CAPN13: variants seen among roughly 807,000 people sequenced by gnomAD.
CAPN13 encodes the protein calpain-13.
CAPN13 carries 90 observed loss-of-function variants against 98.4 expected under a neutral mutation model. The observed-to-expected ratio is 0.92, with a 90% CI of 0.77 to 1.09. The LOEUF (loss-of-function observed/expected upper bound fraction) is 1.09, where lower values mean the gene tolerates loss of function less well. CAPN13 is among the 50% of genes least tolerant of loss of function. The pLI is 0.00. For missense variants in CAPN13, 887 were observed against 841.3 expected (o/e 1.05, Z -0.67); for synonymous variants, 330 against 305.5 (o/e 1.08, Z -0.84).
intron 2 of CAPN13, among the ~76,000 whole-genome samples, chr2:30,782,766 T>C (rs897904773): frequency 5.3e-5 from 8 of 152,216 alleles, no homozygotes; most frequent in Non-Finnish European, 8.8e-5. Context: ...TCTTTTACTA[T>C]AAAATGGGTA....
intron 22 of CAPN13, chr2:30,729,523 T>G (rs975573659): frequency 2.0e-5 from 3 of 152,232 alleles, no homozygotes; most frequent in Admixed American, 2.0e-4. Context: ...AGAATCATTT[T>G]TGATATTAGA....
rs139052786 is a variant in CAPN13 at position 30,785,185 on chromosome 2, C to A, written c.198+1943G>T. On this transcript the variant is annotated intron_variant, in intron 2 of 22. Transcript: ENST00000295055. The stretch of plus-strand genomic sequence containing the variant: ...ATTCCAGCAGAGTCCCTGCTAGGCA[C>A]TTAAGTCAGTGGGGGGAAAGTGCAG... Among the ~76,000 whole-genome samples the A allele has an allele frequency of 5.6e-3, 850 of 152,286 alleles. 9 individuals are homozygous for A. Among genetic ancestry groups the A allele is most frequent in the African/African-American group, 0.02 (811 of 41,546 alleles).
chr2:30,797,549 A>C (rs577610607), intron 1 of CAPN13, among the ~76,000 whole-genome samples: 1 of 152,174 alleles, frequency 6.6e-6, no homozygotes, highest in Non-Finnish European at 1.5e-5. Flanking sequence ...ATTAATTGAG[A>C]AGATTCTTGT....
intron 22 of CAPN13, chr2:30,729,912 T>G (rs1384468564): frequency 1.3e-5 from 2 of 152,184 alleles, no homozygotes; most frequent in Non-Finnish European, 2.9e-5. Context: ...CATGAATAAT[T>G]AAAGAAGACA....
intron 4 of CAPN13, 63 bp from the exon 5 acceptor site, chr2:30,770,512 C>T: frequency 6.4e-7 from 1 of 1,571,802 alleles, no homozygotes; most frequent in Non-Finnish European, 8.6e-7. Context: ...CTGGGTCCCC[C>T]AACCTAAGCC....
intron 11 of CAPN13, among the ~76,000 whole-genome samples, chr2:30,747,837 G>A (rs1671989982): frequency 1.3e-5 from 2 of 152,210 alleles, no homozygotes; most frequent in African/African-American, 4.8e-5. Context: ...AACTCAATCA[G>A]GATCTTGCAA....
chr2:30,735,960 C>T lies in CAPN13; in HGVS notation c.1722+543G>A, dbSNP rs139007864. 2.3e-3 allele frequency among the ~76,000 whole-genome samples: 353 copies of T among 152,100 alleles called. 1 individual carries two copies. The highest frequency in any genetic ancestry group is 8.1e-3 in the African/African-American group (337 of 41,490). On this transcript the variant is annotated intron_variant, in intron 18 of 22. Coordinates refer to ENST00000295055, the MANE Select transcript of CAPN13 (RefSeq NM_144575.3). ...TGAAGGGGCACAGGTGTGACGTTTA[C>T]AGGAAATAGTGAATCTCCTTTAGAC... is the stretch of plus-strand genomic sequence containing the variant.
At chr2:30,754,038 A>G (rs1382102626) in intron 9 of CAPN13, among the ~76,000 whole-genome samples, 1 of 152,180 alleles carries the variant, frequency 6.6e-6, no homozygotes, top group African/African-American at 2.4e-5. Flanking sequence ...TTTGGTGCCA[A>G]TGTTCTCTTT....
At chr2:30,793,326 A>T (rs1489680206) in intron 1 of CAPN13, among the ~76,000 whole-genome samples, 1 of 151,566 alleles carries the variant, frequency 6.6e-6, no homozygotes, top group East Asian at 1.9e-4. Flanking sequence ...AGCAACAAAA[A>T]ATAGGAGAAT....
chr2:30,731,498 T>C (rs371826288), intron 20 of CAPN13, 99 bp from the exon 21 acceptor site: 31 of 1,030,402 alleles, frequency 3.0e-5, no homozygotes, highest in East Asian at 1.6e-4. Context: ...CAGGAGGTGA[T>C]TCTGTAAAGC....
At chr2:30,723,409 C>T (rs773399108) in intron 22 of CAPN13, among the ~76,000 whole-genome samples, 173 bp from the exon 23 acceptor site, 13 of 152,174 alleles carry the variant, frequency 8.5e-5, no homozygotes, top group Non-Finnish European at 1.6e-4. Context: ...CCCCAACGTG[C>T]CCATGGCCCC....
At position 30,731,248 on chromosome 2, in the gene CAPN13, C is replaced by T. The variant is rs566969454; in HGVS notation, c.1983+96G>A. 120 of 1,126,632 alleles carry T rather than the reference C, an allele frequency of 1.1e-4. 1 individual carries two copies. The South Asian group carries it at 1.3e-3, about 12-fold the overall frequency. 69.8% of individuals were successfully genotyped at this position (1,126,632 alleles called of 1,614,324 possible). A position where few individuals can be genotyped will look rare whatever the true frequency, so the allele number is the denominator to read the frequency against. On this transcript the variant is annotated intron_variant, in intron 21 of 22. Transcript: ENST00000295055. Reference sequence around the variant, plus strand: ...ACAGCTTGGCTGGCCTTTGACAGACCGTTCAATATCCTCAGGGAGAAAAAT... The same window carrying T: ...ACAGCTTGGCTGGCCTTTGACAGACTGTTCAATATCCTCAGGGAGAAAAAT...
At chr2:30,749,866 C>T (rs1048740150) in intron 11 of CAPN13, among the ~76,000 whole-genome samples, 2 of 152,124 alleles carry the variant, frequency 1.3e-5, no homozygotes, top group Non-Finnish European at 2.9e-5. Context: ...GGAGGAATAG[C>T]AGGGAGTAGA....
At chr2:30,730,660 T>C (rs1257559617) in intron 22 of CAPN13, 70 bp downstream of exon 22, 4 of 760,230 alleles carry the variant, frequency 5.3e-6, no homozygotes, top group Non-Finnish European at 9.8e-6. Context: ...GAGTCTTATG[T>C]GCAGTTCTTA....
chr2:30,753,046 T>C lies in CAPN13; in HGVS notation c.1087+7A>G. On this transcript the variant is annotated splice_region_variant and intron_variant, in intron 10 of 22. Transcript: ENST00000295055. ...TTGGGCAGTGTGACCACCAGCGTCATGATTACCTGCAGTGTTTCCTAGAAT... is the reference window on the plus strand; with the variant it reads ...TTGGGCAGTGTGACCACCAGCGTCACGATTACCTGCAGTGTTTCCTAGAAT... 2 of 1,613,780 alleles carry C rather than the reference T, an allele frequency of 1.2e-6. No homozygotes were observed. Among genetic ancestry groups the C allele is most frequent in the Non-Finnish European group, 1.7e-6 (2 of 1,179,756 alleles).
Position 30,732,554 on chromosome 2 carries a change from C to G in CAPN13, c.1811G>C (p.Gly604Ala), listed in dbSNP as rs1447658166. 6.2e-7 allele frequency: 1 copy of G among 1,608,672 alleles called. No individual in the cohort carries two copies. The highest frequency in any genetic ancestry group is 8.5e-7 in the Non-Finnish European group (1 of 1,178,062). Residue 604 changes from glycine to alanine, a missense_variant, in exon 20 of 23, where the codon GGG becomes GCG. Gly to Ala is a moderately conservative substitution (Grantham distance 60). Coordinates refer to ENST00000295055, the MANE Select transcript of CAPN13 (RefSeq NM_144575.3). ...CAGCAGCTCACGGCTGATGAAGATCCCTCTGAGGAAGTCTGGGGCCACAGG... is the reference window on the plus strand; with the variant it reads ...CAGCAGCTCACGGCTGATGAAGATCGCTCTGAGGAAGTCTGGGGCCACAGG... ...KAIENTDFLRGIFISRELLHL... is the reference protein window; with the variant it reads ...KAIENTDFLRAIFISRELLHL...
Position 30,787,312 on chromosome 2 carries a change from T to C in CAPN13, c.14A>G (p.Gln5Arg). ...GATGGAGGTCTCCACTGAAGGCTCC[T>C]GGTAATACGCCATGACTCTCCTTAG... is the stretch of plus-strand genomic sequence containing the variant. MAYY[Q>R]EPSVETSIIK... The change falls in exon 2 of 23, where the codon CAG (glutamine) becomes CGG (arginine). Residue 5 changes from glutamine to arginine, a missense_variant. Gln to Arg is a conservative substitution (Grantham distance 43, BLOSUM62 1). Transcript: ENST00000295055. 4 of 1,612,578 alleles carry C rather than the reference T, an allele frequency of 2.5e-6. No homozygotes were observed. The highest frequency in any genetic ancestry group is 3.4e-6 in the Non-Finnish European group (4 of 1,179,424).
At chr2:30,772,580 G>C (rs1673464971) in intron 4 of CAPN13, among the ~76,000 whole-genome samples, 1 of 152,160 alleles carries the variant, frequency 6.6e-6, no homozygotes, top group South Asian at 2.1e-4. Context: ...CTCACTCCCT[G>C]GTGTGGTCCT....
At chr2:30,797,959 C>T (rs1390233079) in intron 1 of CAPN13, among the ~76,000 whole-genome samples, 2 of 152,200 alleles carry the variant, frequency 1.3e-5, no homozygotes, top group Non-Finnish European at 2.9e-5. Context: ...TCCCTGAGGC[C>T]AAACACATGT....
Sources: gnomAD v4.1 joint callset for allele counts (sites outside exome capture counted in the v4.1 genomes callset) on GRCh38, gnomAD v4.1.1 for gene constraint, MANE v1.5 for transcripts, NCBI Gene and HGNC (gene_info 2026-07-23, HGNC 2026-07-21) for gene names.